Variants in XRN1 observed in about 807,000 individuals in gnomAD.
XRN1 encodes 5'-3' exoribonuclease 1.
In XRN1, 67 loss-of-function variants were observed where a neutral mutation model predicts 222.3. That is an observed-to-expected ratio of 0.30 (90% CI 0.25 to 0.37). The LOEUF (loss-of-function observed/expected upper bound fraction) is 0.37. Among genes scored for constraint, XRN1 ranks in the 10% least tolerant of loss-of-function variants. XRN1 has a pLI of 1.00. For synonymous variants in XRN1, 643 were observed against 652.4 expected, an observed-to-expected ratio of 0.99 and a Z score of 0.22; for missense variants, 1,707 against 2,000.2, an observed-to-expected ratio of 0.85 and a Z score of 2.80.
At chr3:142,427,154 A>C (rs2069291183) in intron 2 of XRN1, among the ~76,000 whole-genome samples, 1 of 152,098 alleles carries the variant, frequency 6.6e-6, no homozygotes, top group South Asian at 2.1e-4. Context: ...ACAAAGCAAG[A>C]TCCCATCTCT....
rs551252487 is a variant in XRN1, at chr3:142,427,677, C to T, written c.309-836G>A. Among the ~76,000 whole-genome samples, 308 of 152,238 alleles carry T rather than the reference C, an allele frequency of 2.0e-3. 5 individuals carry two copies. The highest frequency in any genetic ancestry group is 3.8e-4 in the Non-Finnish European group (26 of 68,014). On this transcript the variant is annotated intron_variant, in intron 2 of 40. Transcript: ENST00000392981. Reference sequence around the variant, plus strand: ...ACATTAATGAAATCAACTGCAAAATCATCACATTTTTGAGGCAACAGAATT... The same window carrying T: ...ACATTAATGAAATCAACTGCAAAATTATCACATTTTTGAGGCAACAGAATT...
chr3:142,447,495 T>C lies in XRN1; in HGVS notation c.75+375A>G, dbSNP rs991797009. Among the ~76,000 whole-genome samples, 2 of 152,124 alleles carry C rather than the reference T, an allele frequency of 1.3e-5. No individual in the cohort carries two copies. Among genetic ancestry groups the C allele is most frequent in the African/African-American group, 4.8e-5 (2 of 41,438 alleles). The stretch of plus-strand genomic sequence containing the variant: ...CCGCTCTGGGTGGGATGGGGGAACC[T>C]ACGAGGACACCCACTCCAGCTTCGC... On this transcript the variant is annotated intron_variant, in intron 1 of 40. Transcript: ENST00000392981. This position sits in a 1 kb window ranked among gnomAD's most constrained non-coding sequence, Gnocchi z 4.2.
At chr3:142,341,557 A>G (rs1008320858) in intron 33 of XRN1, among the ~76,000 whole-genome samples, 2 of 152,184 alleles carry the variant, frequency 1.3e-5, no homozygotes, top group African/African-American at 4.8e-5. Context: ...TCGAAGTGGC[A>G]GGAAGAAGTC....
chr3:142,412,885 CTTAG>C (rs1048413448), intron 14 of XRN1, among the ~76,000 whole-genome samples: 2 of 152,136 alleles, frequency 1.3e-5, no homozygotes, highest in Non-Finnish European at 2.9e-5. Flanking sequence ...ATTTTACTGA[CTTAG>C]TTATGCAGCA....
In XRN1 at chr3:142,400,312, G is replaced by T; in HGVS notation, c.2207+132C>A. On this transcript the variant is annotated intron_variant, in intron 19 of 40. Coordinates refer to ENST00000392981, the MANE Select transcript of XRN1 (RefSeq NM_001282857.2). ...TGAACTTCAAGTGGTGTCATTAGACGACTTTCATTTTTGGTACAGAGTGTA... is the reference window on the plus strand; with the variant it reads ...TGAACTTCAAGTGGTGTCATTAGACTACTTTCATTTTTGGTACAGAGTGTA... The T allele has an allele frequency of 6.3e-6, 4 of 634,310 alleles. No homozygotes were observed. In the East Asian group the frequency reaches 9.1e-5, roughly 14 times the overall value. 39.3% of individuals were successfully genotyped at this position (634,310 alleles called of 1,614,324 possible).
chr3:142,317,696 C>T (rs1323233627), intron 39 of XRN1, among the ~76,000 whole-genome samples: 1 of 152,142 alleles, frequency 6.6e-6, no homozygotes, highest in Non-Finnish European at 1.5e-5. Flanking sequence ...GACTTTCAAC[C>T]AATCCCTCTC....
chr3:142,366,979 A>G (rs1027150162), intron 27 of XRN1, among the ~76,000 whole-genome samples: 1 of 152,174 alleles, frequency 6.6e-6, no homozygotes, highest in Non-Finnish European at 1.5e-5. Flanking sequence ...ATGATCACCT[A>G]AGAGCTTATT....
rs2069910242 is a variant in XRN1, at chr3:142,436,342, ATATG to A, written c.76-3453_76-3450del. 2.0e-5 allele frequency among the ~76,000 whole-genome samples: 3 copies of A among 152,338 alleles called. No homozygotes were observed. The South Asian group carries it at 6.2e-4, about 32-fold the overall frequency. On this transcript the variant is annotated intron_variant, in intron 1 of 40. Transcript: ENST00000392981. ...TATTAGGTATTAAACATTGGGCTAAATATGTATATTCATTCTCTGACTTAATTAT... is the reference window on the plus strand; with the variant it reads ...TATTAGGTATTAAACATTGGGCTAAATATATTCATTCTCTGACTTAATTAT...
intron 1 of XRN1, among the ~76,000 whole-genome samples, chr3:142,442,810 T>C (rs1465724990): frequency 2.6e-5 from 4 of 152,190 alleles, no homozygotes; most frequent in Non-Finnish European, 4.4e-5. Flanking sequence ...CTCACCTCAC[T>C]GCAAGCTCCG....
chr3:142,421,247 A>G, intron 9 of XRN1, 94 bp from the exon 10 acceptor site: 2 of 1,205,972 alleles, frequency 1.7e-6, no homozygotes, highest in Non-Finnish European at 2.2e-6. Flanking sequence ...ACTGGGGTAT[A>G]GGAAATTGGA....
intron 13 of XRN1, 128 bp from the exon 14 acceptor site, chr3:142,414,419 T>C: frequency 3.1e-6 from 2 of 655,474 alleles, no homozygotes; most frequent in Non-Finnish European, 4.4e-6. Context: ...TGCCCATAAT[T>C]CTACTATCTG....
rs150504403 is a variant in XRN1 at position 142,353,144 on chromosome 3, T to C, written c.3768+2257A>G. On this transcript the variant is annotated intron_variant, in intron 32 of 40. Coordinates refer to ENST00000392981, the MANE Select transcript of XRN1 (RefSeq NM_001282857.2). ...CCAACTACCAGCATAAAGTGACACATTCAAGTGGAAAAAGTAAGTTGTTAA... is the reference window on the plus strand; with the variant it reads ...CCAACTACCAGCATAAAGTGACACACTCAAGTGGAAAAAGTAAGTTGTTAA... Among the ~76,000 whole-genome samples, 635 of 152,320 alleles carry C rather than the reference T, an allele frequency of 4.2e-3. 6 individuals carry two copies. Among genetic ancestry groups the C allele is most frequent in the African/African-American group, 0.015 (608 of 41,578 alleles).
At chr3:142,433,087 T>C (rs2069701329) in intron 1 of XRN1, among the ~76,000 whole-genome samples, 194 bp from the exon 2 acceptor site, 3 of 152,224 alleles carry the variant, frequency 2.0e-5, no homozygotes, top group Admixed American at 2.0e-4. Flanking sequence ...TGGTTTTATA[T>C]AATGCACCAA....
intron 1 of XRN1, chr3:142,435,433 T>TA (rs1255481556): frequency 1.4e-5 from 2 of 147,144 alleles, no homozygotes; most frequent in Non-Finnish European, 3.0e-5. Flanking sequence ...CTCTAACACA[T>TA]AAAAAATACT....
chr3:142,422,814 C>T, intron 7 of XRN1, 21 bp downstream of exon 7: 4 of 1,605,026 alleles, frequency 2.5e-6, no homozygotes, highest in Middle Eastern at 1.7e-4. Context: ...ATCCTTGGTC[C>T]ATGGCTTTAT....
intron 36 of XRN1, 115 bp from the exon 37 acceptor site, chr3:142,329,730 A>T: frequency 1.0e-6 from 1 of 983,450 alleles, no homozygotes; most frequent in East Asian, 3.3e-5. Flanking sequence ...AGTGAAGTGA[A>T]TTGCTCAAGG....
At chr3:142,387,668 T>C (rs2067557761) in intron 20 of XRN1, among the ~76,000 whole-genome samples, 1 of 152,174 alleles carries the variant, frequency 6.6e-6, no homozygotes, top group South Asian at 2.1e-4. Flanking sequence ...CTACTATGGT[T>C]TGGATATAGT....
intron 29 of XRN1, among the ~76,000 whole-genome samples, chr3:142,361,184 TGA>T (rs2107845832): frequency 6.6e-6 from 1 of 152,374 alleles, no homozygotes; most frequent in South Asian, 2.1e-4. Flanking sequence ...ATAATTATTT[TGA>T]GAGTCACCTA....
intron 20 of XRN1, among the ~76,000 whole-genome samples, chr3:142,391,736 TAAAAAA>T (rs201046497): frequency 2.5e-5 from 3 of 122,150 alleles, no homozygotes; most frequent in South Asian, 5.9e-4. Flanking sequence ...CCCGTCTCAC[TAAAAAA>T]AAAAAAAATA....
Sources: gnomAD v4.1 joint callset for allele counts (sites outside exome capture counted in the v4.1 genomes callset) on GRCh38, gnomAD v4.1.1 for gene constraint, Gnocchi (gnomAD v3.1) non-coding constraint, MANE v1.5 for transcripts, NCBI Gene and HGNC (gene_info 2026-07-23, HGNC 2026-07-21) for gene names.